Variants in PCDHGA3 observed in about 807,000 individuals in gnomAD.
The protein encoded by PCDHGA3 is protocadherin gamma-A3.
Under a neutral mutation model 58.5 loss-of-function variants are expected in PCDHGA3, and 40 were observed. The ratio of observed to expected loss-of-function variants is 0.68; its 90% confidence interval spans 0.53 to 0.89. PCDHGA3 has a LOEUF of 0.89. PCDHGA3 is among the 40% of genes least tolerant of loss of function. The pLI is 0.00. For missense variants in PCDHGA3, 1,223 were observed against 1,195.9 expected (o/e 1.02, Z -0.33); for synonymous variants, 530 against 525.7 (o/e 1.01, Z -0.11).
At position 141,418,922 on chromosome 5, in the gene PCDHGA3, C is replaced by G. The variant is rs180948941; in HGVS notation, c.2424+72465C>G. The G allele has an allele frequency of 3.7e-6, 6 of 1,613,994 alleles. 1 individual carries two copies. In the Admixed American group the frequency reaches 6.7e-5, roughly 18 times the overall value. On this transcript the variant is annotated intron_variant, in intron 1 of 3. Coordinates refer to ENST00000253812, the MANE Select transcript of PCDHGA3 (RefSeq NM_018916.4). ...AATAATCATCACGTCACTCTCTGAT[C>G]AGATTATGGAGGATTCCCCTCCAGG...
chr5:141,431,748 G>T lies in PCDHGA3; in HGVS notation c.2425-63059G>T. 1 of 1,614,196 alleles carries T rather than the reference G, an allele frequency of 6.2e-7. No homozygotes were observed. Among genetic ancestry groups the T allele is most frequent in the Non-Finnish European group, 8.5e-7 (1 of 1,180,042 alleles). Reference sequence around the variant, plus strand: ...ATGGATAATGCAGGATATTCTGCGCGAGCCAAAGTCCTGATCACTGTTCTG... The same window carrying T: ...ATGGATAATGCAGGATATTCTGCGCTAGCCAAAGTCCTGATCACTGTTCTG... On this transcript the variant is annotated intron_variant, in intron 1 of 3. Transcript: ENST00000253812. This position sits in a 1 kb window ranked among gnomAD's most constrained non-coding sequence, Gnocchi z 4.8.
Position 141,432,538 on chromosome 5 carries a change from G to T in PCDHGA3, c.2425-62269G>T, listed in dbSNP as rs200601557. 1 of 1,613,908 alleles carries T rather than the reference G, an allele frequency of 6.2e-7. No individual in the cohort carries two copies. Among genetic ancestry groups the T allele is most frequent in the African/African-American group, 1.3e-5 (1 of 74,936 alleles). Reference sequence around the variant, plus strand: ...GCTACCTGGTGACCAAGGTGGTGGCGGTGGACAGAGACTCCGGCCAGAACG... The same window carrying T: ...GCTACCTGGTGACCAAGGTGGTGGCTGTGGACAGAGACTCCGGCCAGAACG... On this transcript the variant is annotated intron_variant, in intron 1 of 3. Coordinates refer to ENST00000253812, the MANE Select transcript of PCDHGA3 (RefSeq NM_018916.4). This position sits in a 1 kb window ranked among gnomAD's most constrained non-coding sequence, Gnocchi z 6.0.
Position 141,476,500 on chromosome 5 carries a change from C to A in PCDHGA3, c.2425-18307C>A. The A allele has an allele frequency of 6.2e-7, 1 of 1,613,874 alleles. No homozygotes were observed. The highest frequency in any genetic ancestry group is 8.5e-7 in the Non-Finnish European group (1 of 1,179,950). ...GCGTGGAAGTGGTGATCCAGGACAT[C>A]AACGACAACAATCCTGCTTTCCCTA... On this transcript the variant is annotated intron_variant, in intron 1 of 3. Coordinates refer to ENST00000253812, the MANE Select transcript of PCDHGA3 (RefSeq NM_018916.4). The surrounding 1 kb of genome is among the most constrained non-coding windows in gnomAD (Gnocchi z 7.6).
intron 1 of PCDHGA3, chr5:141,376,569 G>T: frequency 6.2e-7 from 1 of 1,603,942 alleles, no homozygotes; most frequent in South Asian, 1.1e-5. Flanking sequence ...CAACTAATCA[G>T]ACAGGCTCAT....
rs756243026 is a variant in PCDHGA3, at chr5:141,487,478, T to C, written c.2425-7329T>C. On this transcript the variant is annotated intron_variant, in intron 1 of 3. Transcript: ENST00000253812. This position sits in a 1 kb window ranked among gnomAD's most constrained non-coding sequence, Gnocchi z 5.0. ...CAAGTTTGTTGATGTGGGAGGCCAC[T>C]CTCATGGCTGTACACCCTTGGCTTC... is the stretch of plus-strand genomic sequence containing the variant. 6 of 1,614,078 alleles carry C rather than the reference T, an allele frequency of 3.7e-6. No individual in the cohort carries two copies. In the Admixed American group the frequency reaches 1.0e-4, roughly 27 times the overall value.
At chr5:141,425,363 A>C (rs2096870488) in intron 1 of PCDHGA3, among the ~76,000 whole-genome samples, 1 of 152,212 alleles carries the variant, frequency 6.6e-6, no homozygotes, top group Non-Finnish European at 1.5e-5. Context: ...TGATATTAAG[A>C]GGGTTATGTT....
intron 1 of PCDHGA3, chr5:141,413,019 C>T (rs1056458163): frequency 2.9e-6 from 2 of 683,106 alleles, no homozygotes; most frequent in Non-Finnish European, 4.7e-6. Flanking sequence ...ACTACACAAG[C>T]CCCACAAACC....
chr5:141,441,891 G>A, intron 1 of PCDHGA3: 1 of 348,040 alleles, frequency 2.9e-6, no homozygotes, highest in East Asian at 9.1e-5. Flanking sequence ...TCACCAAGGT[G>A]GTGGCTGTAG....
At position 141,409,480 on chromosome 5, in the gene PCDHGA3, CAG is replaced by C. The variant is rs761811893; in HGVS notation, c.2424+63024_2424+63025del. 9 of 1,614,002 alleles carry C rather than the reference CAG, an allele frequency of 5.6e-6. No homozygotes were observed. In the Admixed American group the frequency reaches 8.3e-5, roughly 15 times the overall value. On this transcript the variant is annotated intron_variant, in intron 1 of 3. Transcript: ENST00000253812. ...ACAATGTCACCATCGTAGCCACTGA[CAG>C]GGGCAAGCCGCCTCTTTCTTCCAGT...
At chr5:141,386,521 A>AT (rs1458324675) in intron 1 of PCDHGA3, among the ~76,000 whole-genome samples, 1 of 232 alleles carries the variant, frequency 4.3e-3, no homozygotes, top group African/African-American at 0.013. Context: ...TCAAAAAAAG[A>AT]CTCTTTTTAG....
intron 1 of PCDHGA3, chr5:141,395,116 T>C (rs1255512461): frequency 1.9e-6 from 3 of 1,614,216 alleles, no homozygotes; most frequent in Admixed American, 3.3e-5. Context: ...AAGAGTCACC[T>C]GATCTTTCCC....
chr5:141,345,252 G>A lies in PCDHGA3; in HGVS notation c.1219G>A (p.Ala407Thr). 1 of 1,613,946 alleles carries A rather than the reference G, an allele frequency of 6.2e-7. No homozygotes were observed. Among genetic ancestry groups the A allele is most frequent in the Non-Finnish European group, 8.5e-7 (1 of 1,179,896 alleles). Residue 407 changes from alanine (A) to threonine (T), a missense_variant, in exon 1 of 4, where the codon GCC becomes ACC. Ala to Thr is a moderately conservative substitution (Grantham distance 58). This residue lies in a region of PCDHGA3 where 791 missense variants were observed against 708.5 expected (regional missense o/e 1.12). Transcript: ENST00000253812. Reference protein sequence around the residue: ...SIDQYYRLVTATSLDREQISE... With the variant: ...SIDQYYRLVTTTSLDREQISE... ...AGATCAATATTACCGCTTAGTGACG[G>A]CCACATCCCTGGACCGCGAACAAAT... is the stretch of plus-strand genomic sequence containing the variant.
chr5:141,423,225 C>G (rs763729316), intron 1 of PCDHGA3: 3 of 1,613,686 alleles, frequency 1.9e-6, no homozygotes, highest in Admixed American at 1.7e-5. Context: ...TGGCTGTGGC[C>G]GACAGCATCC....
At position 141,480,425 on chromosome 5, in the gene PCDHGA3, AT is replaced by A. The variant is rs553131122; in HGVS notation, c.2425-14380del. On this transcript the variant is annotated intron_variant, in intron 1 of 3. Transcript: ENST00000253812. ...GTGAGACCCTGTCTCAAAAAAAAAA[AT>A]TATCAGCTATTACTATAATTATTTT... 2.3e-4 allele frequency among the ~76,000 whole-genome samples: 34 copies of A among 149,340 alleles called. 1 individual carries two copies. In the South Asian group the frequency reaches 6.0e-3, roughly 26 times the overall value.
chr5:141,511,361 G>C lies in PCDHGA3; in HGVS notation c.*188G>C, dbSNP rs2099883750. 7.4e-7 allele frequency: 1 copy of C among 1,345,388 alleles called. No individual in the cohort carries two copies. Among genetic ancestry groups the C allele is most frequent in the Non-Finnish European group, 9.9e-7 (1 of 1,006,550 alleles). The allele number at this position is 1,345,388 out of a possible 1,614,324, so 83.3% of individuals were successfully genotyped here. On this transcript the variant is annotated 3_prime_UTR_variant, in exon 4 of 4. Transcript: ENST00000253812. ...CCTACCCCTTCCCCCCCAGGGGGTTGAATATGCAAAAGCAGTTCCGCTGGG... is the reference window on the plus strand; with the variant it reads ...CCTACCCCTTCCCCCCCAGGGGGTTCAATATGCAAAAGCAGTTCCGCTGGG...
chr5:141,375,097 G>T (rs377388001), intron 1 of PCDHGA3: 1 of 1,613,904 alleles, frequency 6.2e-7, no homozygotes, highest in Non-Finnish European at 8.5e-7. Flanking sequence ...TAACTATCTT[G>T]GATGTCAATG....
rs1043628660 is a variant in PCDHGA3, at chr5:141,478,879, G to A, written c.2425-15928G>A. On this transcript the variant is annotated intron_variant, in intron 1 of 3. Coordinates refer to ENST00000253812, the MANE Select transcript of PCDHGA3 (RefSeq NM_018916.4). ...GATCTCAGCGATCAGAGTTTAGCTT[G>A]GTATCATTTACATTAGGAATAAGCT... is the stretch of plus-strand genomic sequence containing the variant. 9 of 1,243,630 alleles carry A rather than the reference G, an allele frequency of 7.2e-6. No homozygotes were observed. The African/African-American group carries it at 1.1e-4, about 15-fold the overall frequency. The allele number at this position is 1,243,630 out of a possible 1,614,324, so 77.0% of individuals were successfully genotyped here.
intron 1 of PCDHGA3, chr5:141,409,680 C>T (rs756713114): frequency 1.9e-6 from 3 of 1,613,242 alleles, no homozygotes; most frequent in African/African-American, 1.3e-5. Context: ...TCTATAGTGG[C>T]GAGTGACCTA....
At position 141,512,047 on chromosome 5, in the gene PCDHGA3, C is replaced by T. The variant is rs1183612907; in HGVS notation, c.*874C>T. 1 of 152,722 alleles carries T rather than the reference C, an allele frequency of 6.5e-6. No individual in the cohort carries two copies. The highest frequency in any genetic ancestry group is 1.5e-5 in the Non-Finnish European group (1 of 68,120). The allele number at this position is 152,722 out of a possible 1,614,324, so 9.5% of individuals were successfully genotyped here. A position where few individuals can be genotyped will look rare whatever the true frequency, so the allele number is the denominator to read the frequency against. On this transcript the variant is annotated 3_prime_UTR_variant, in exon 4 of 4. Coordinates refer to ENST00000253812, the MANE Select transcript of PCDHGA3 (RefSeq NM_018916.4). The stretch of plus-strand genomic sequence containing the variant: ...CCTTGGAGGAGGCTCTGTATGTCCT[C>T]AGGGGACTGACAACATCCTCCAGAT...
Sources: gnomAD v4.1 joint callset for allele counts (sites outside exome capture counted in the v4.1 genomes callset) on GRCh38, gnomAD v4.1.1 for gene constraint, gnomAD v4.1.1 regional missense constraint, Gnocchi (gnomAD v3.1) non-coding constraint, MANE v1.5 for transcripts, NCBI Gene and HGNC (gene_info 2026-07-23, HGNC 2026-07-21) for gene names.